Variants in PDIA6 observed in about 807,000 individuals in gnomAD.
The protein encoded by PDIA6 is protein disulfide-isomerase A6.
A neutral mutation model predicts 58.4 loss-of-function variants in PDIA6; 29 were observed. The observed-to-expected ratio is 0.50, with a 90% CI of 0.37 to 0.68. The LOEUF is 0.68. Among genes scored for constraint, PDIA6 ranks in the 30% least tolerant of loss-of-function variants. The probability of loss-of-function intolerance (pLI) is 0.00; values close to 1 mark genes in which losing one functional copy is unlikely to be tolerated. For missense variants in PDIA6, 480 were observed against 551.0 expected, an observed-to-expected ratio of 0.87 and a Z score of 1.29; for synonymous variants, 192 against 202.6, an observed-to-expected ratio of 0.95 and a Z score of 0.44.
intron 1 of PDIA6, among the ~76,000 whole-genome samples, chr2:10,812,002 G>A (rs1667016728): frequency 6.6e-6 from 1 of 152,024 alleles, no homozygotes; most frequent in Non-Finnish European, 1.5e-5. Context: ...TCCGCCTCCT[G>A]GGGGTTCAGG....
intron 4 of PDIA6, among the ~76,000 whole-genome samples, chr2:10,793,907 A>G (rs1478668242): frequency 3.9e-5 from 6 of 152,226 alleles, no homozygotes; most frequent in Non-Finnish European, 7.3e-5. Context: ...ACTGGAAACC[A>G]TTCCAGGCTT....
intron 1 of PDIA6, among the ~76,000 whole-genome samples, chr2:10,820,196 C>T (rs1278795376): frequency 6.6e-6 from 1 of 152,182 alleles, no homozygotes; most frequent in Non-Finnish European, 1.5e-5. Context: ...GAGAGAATAG[C>T]TCTCTGTTAT....
intron 1 of PDIA6, among the ~76,000 whole-genome samples, chr2:10,824,289 A>G (rs1387166969): frequency 6.6e-6 from 1 of 152,120 alleles, no homozygotes; most frequent in African/African-American, 2.4e-5. Flanking sequence ...GCCCAAGGTT[A>G]TGCCCCATCC....
intron 1 of PDIA6, among the ~76,000 whole-genome samples, chr2:10,822,649 T>C (rs758603814): frequency 3.9e-5 from 6 of 152,234 alleles, no homozygotes; most frequent in Non-Finnish European, 8.8e-5. Flanking sequence ...AGGCACTTAG[T>C]AGAGTGATAA....
chr2:10,816,530 T>A (rs2148571639), upstream of PDIA6, among the ~76,000 whole-genome samples: 1 of 151,552 alleles, frequency 6.6e-6, no homozygotes, highest in South Asian at 2.1e-4. Flanking sequence ...TGCTTTCTTT[T>A]TTTTTTTTTT....
intron 1 of PDIA6, 66 bp downstream of exon 1, chr2:10,812,612 C>G (rs1032104757): frequency 1.4e-6 from 2 of 1,464,204 alleles, no homozygotes; most frequent in Admixed American, 2.3e-5. Context: ...GGGGAACGGC[C>G]TAGAGATTCG....
rs374819604 is a variant in PDIA6, at chr2:10,797,654, T to C, written c.219+46A>G. 7.5e-5 allele frequency: 104 copies of C among 1,378,300 alleles called. 1 individual carries two copies. In the South Asian group the frequency reaches 1.2e-3, roughly 15 times the overall value. The allele number at this position is 1,378,300 out of a possible 1,614,324, so 85.4% of individuals were successfully genotyped here. A position where few individuals can be genotyped will look rare whatever the true frequency, so the allele number is the denominator to read the frequency against. On this transcript the variant is annotated intron_variant, in intron 3 of 12. Transcript: ENST00000272227. The stretch of plus-strand genomic sequence containing the variant: ...GAATATGGACATCTTAGAAACTTAC[T>C]GTAAAAAAAAGTTTTGTAAGCCTTT...
chr2:10,792,988 G>A, intron 5 of PDIA6, 108 bp downstream of exon 5: 1 of 737,616 alleles, frequency 1.4e-6, no homozygotes. Flanking sequence ...TTCTTTAATT[G>A]AGAGTTCACC....
chr2:10,785,081 G>T, intron 11 of PDIA6, 51 bp from the exon 12 acceptor site: 1 of 1,232,666 alleles, frequency 8.1e-7, no homozygotes, highest in Non-Finnish European at 1.2e-6. Flanking sequence ...TGGACTGCTG[G>T]TGCAGAAGAA....
chr2:10,833,522 G>A (rs185267428), upstream of PDIA6, among the ~76,000 whole-genome samples: 22 of 152,238 alleles, frequency 1.4e-4, no homozygotes, highest in African/African-American at 5.1e-4. Context: ...AACCCACAGC[G>A]GGCTCATTCC....
At chr2:10,794,689 G>A (rs1006187683) in intron 4 of PDIA6, among the ~76,000 whole-genome samples, 4 of 151,988 alleles carry the variant, frequency 2.6e-5, no homozygotes, top group African/African-American at 9.7e-5. Context: ...AGCACTTTGG[G>A]AGGCCGAGGC....
chr2:10,830,311 C>T (rs1558466677), intron 1 of PDIA6, among the ~76,000 whole-genome samples: 1 of 152,242 alleles, frequency 6.6e-6, no homozygotes, highest in Non-Finnish European at 1.5e-5. Flanking sequence ...TGCTGTGGAC[C>T]TCCGTGCCTA....
chr2:10,818,065 T>C (rs576307463), intron 2 of PDIA6, among the ~76,000 whole-genome samples: 1 of 152,308 alleles, frequency 6.6e-6, no homozygotes, highest in South Asian at 2.1e-4. Flanking sequence ...GTTCAGATCA[T>C]AGGTAGAGTC....
intron 2 of PDIA6, among the ~76,000 whole-genome samples, chr2:10,799,705 T>C (rs1666420159): frequency 6.6e-6 from 1 of 152,174 alleles, no homozygotes; most frequent in Non-Finnish European, 1.5e-5. Context: ...CAGGGTTTTG[T>C]GCCTCTTTAA....
Position 10,788,703 on chromosome 2 carries a change from A to G in PDIA6, c.992T>C (p.Met331Thr), listed in dbSNP as rs1034156836. Residue 331 changes from methionine to threonine, a missense_variant, in exon 10 of 13, where the codon ATG becomes ACG. Met to Thr is a moderately conservative substitution (Grantham distance 81). Coordinates refer to ENST00000272227, the MANE Select transcript of PDIA6 (RefSeq NM_005742.4). ...LKLADKYKKK[M>T]WGWLWTEAGA... ...AGTAAGCTCAGTAACTTACCCCCAC[A>G]TTTTCTTTTTGTATTTGTCTGCCAA... The G allele has an allele frequency of 6.2e-7, 1 of 1,609,000 alleles. No individual in the cohort carries two copies. Among genetic ancestry groups the G allele is most frequent in the African/African-American group, 1.3e-5 (1 of 74,864 alleles).
At position 10,785,000 on chromosome 2, in the gene PDIA6, T is replaced by C. The variant is rs1381566813; in HGVS notation, c.1188A>G (p.Ala396=). The C allele has an allele frequency of 6.3e-6, 10 of 1,585,466 alleles. No homozygotes were observed. Among genetic ancestry groups the C allele is most frequent in the Non-Finnish European group, 8.6e-6 (10 of 1,164,324 alleles). ...RELSFGRGST[A]PVGGGAFPTI... ...TAGGGAAAGCCCCGCCTCCTACAGG[T>C]GCCGTGGAGCCACGCCCAAAAGAGA... Residue 396 remains alanine, a synonymous_variant, in exon 12 of 13, where the codon GCA becomes GCG. Coordinates refer to ENST00000272227, the MANE Select transcript of PDIA6 (RefSeq NM_005742.4).
upstream of PDIA6, among the ~76,000 whole-genome samples, chr2:10,834,797 T>A (rs1166992172): frequency 7.0e-6 from 1 of 143,838 alleles, no homozygotes; most frequent in African/African-American, 2.5e-5. Flanking sequence ...TGACAGAGTC[T>A]GCTCTGTTGC....
chr2:10,791,197 G>A (rs192566675), intron 6 of PDIA6, among the ~76,000 whole-genome samples: 28 of 151,386 alleles, frequency 1.8e-4, no homozygotes, highest in Non-Finnish European at 3.8e-4. Context: ...AGGATGGAGC[G>A]CAGTGGTGTG....
intron 1 of PDIA6, chr2:10,819,482 G>T: frequency 4.9e-6 from 3 of 613,692 alleles, no homozygotes; most frequent in Non-Finnish European, 8.6e-6. Flanking sequence ...GTTAATCAAC[G>T]AAAAGTTATA....
Sources: gnomAD v4.1 joint callset for allele counts (sites outside exome capture counted in the v4.1 genomes callset) on GRCh38, gnomAD v4.1.1 for gene constraint, MANE v1.5 for transcripts, NCBI Gene and HGNC (gene_info 2026-07-23, HGNC 2026-07-21) for gene names.